The following STARD8 variants were observed in gnomAD, a reference collection of about 807,000 sequenced individuals.
STARD8 encodes stAR-related lipid transfer protein 8.
Under a neutral mutation model 69.4 loss-of-function variants are expected in STARD8, and 25 were observed. The ratio of observed to expected loss-of-function variants is 0.36; its 90% CI spans 0.26 to 0.50. The LOEUF (loss-of-function observed/expected upper bound fraction) is 0.50, where lower values mean the gene tolerates loss of function less well. Among genes scored for constraint, STARD8 ranks in the 20% least tolerant of loss-of-function variants. The pLI, the probability that STARD8 is intolerant of heterozygous loss-of-function variation, is 0.96. For missense variants in STARD8, 921 were observed against 932.5 expected, an observed-to-expected ratio of 0.99 and a Z score of 0.16; for synonymous variants, 389 against 374.6, an observed-to-expected ratio of 1.04 and a Z score of -0.45.
At chrX:68,667,564 T>C (rs1009645588) in intron 2 of STARD8, among the ~76,000 whole-genome samples, 49 of 111,508 alleles carry the variant, frequency 4.4e-4, no homozygotes, top group Non-Finnish European at 7.7e-4. Flanking sequence ...CAAAGTCTCT[T>C]CTCACCCCAA....
rs370347992 is a variant in STARD8 at position 68,723,631 on chromosome X, G to A, written c.2805G>A (p.Pro935=). 3.9e-5 allele frequency: 46 copies of A among 1,189,602 alleles called. No homozygotes were observed. Among genetic ancestry groups the A allele is most frequent in the Non-Finnish European group, 4.7e-5 (42 of 885,376 alleles). Residue 935 remains proline, a synonymous_variant, in exon 13 of 15, where the codon CCG becomes CCA. Transcript: ENST00000374599. ...CCCACTCCTGTGGCTCACAGGCACC[G>A]GATGGGCACCCCCTGCGGCTATGGA... ...QHTELACRKA[P]DGHPLRLWKA... is the part of the protein sequence containing the mutation.
In STARD8 at chrX:68,678,098, G is replaced by GACTCTGCAA. The variant is rs2079777973; in HGVS notation, c.79+12567_79+12575dup. ...TCCAAGTAAAGGTGGGAAGGGGCGA[G>GACTCTGCAA]ACTCTGCAATTTACCAATGCACCGC... is the stretch of plus-strand genomic sequence containing the variant. On this transcript the variant is annotated intron_variant, in intron 2 of 14. Coordinates refer to ENST00000374599, the MANE Select transcript of STARD8 (RefSeq NM_001142503.3). Among the ~76,000 whole-genome samples, 5 of 110,710 alleles carry GACTCTGCAA rather than the reference G, an allele frequency of 4.5e-5. No individual in the cohort carries two copies. The South Asian group carries it at 2.0e-3, about 44-fold the overall frequency.
At chrX:68,662,720 T>C (rs180735542) in intron 1 of STARD8, among the ~76,000 whole-genome samples, 97 of 112,133 alleles carry the variant, frequency 8.7e-4, no homozygotes, top group African/African-American at 3.0e-3. Context: ...TTTCAAGACC[T>C]GTTCTAAACA....
intron 1 of STARD8, among the ~76,000 whole-genome samples, chrX:68,663,208 A>G (rs2079662219): frequency 8.9e-6 from 1 of 112,045 alleles, no homozygotes; most frequent in South Asian, 3.8e-4. Context: ...TTCCCCTGTA[A>G]GTCTTTCAGC....
Position 68,717,522 on chromosome X carries a change from G to A in STARD8, c.608G>A (p.Arg203His), listed in dbSNP as rs146065750. The change falls in exon 6 of 15, where the codon CGC (arginine) becomes CAC (histidine). Residue 203 changes from arginine (R) to histidine (H), a missense_variant. By Grantham distance (29) the Arg-to-His change is conservative (BLOSUM62 0). Coordinates refer to ENST00000374599, the MANE Select transcript of STARD8 (RefSeq NM_001142503.3). ...QEGPQDKAKK[R>H]HRNRSFLKHL... The stretch of plus-strand genomic sequence containing the variant: ...GGTCCCCAGGACAAAGCCAAGAAGC[G>A]CCATCGTAACCGTAGCTTCCTCAAG... 2.6e-5 allele frequency: 32 copies of A among 1,209,005 alleles called. No individual in the cohort carries two copies. The East Asian group carries it at 6.8e-4, about 26-fold the overall frequency.
At chrX:68,652,938 A>AC in intron 1 of STARD8, among the ~76,000 whole-genome samples, 1 of 58,028 alleles carries the variant, frequency 1.7e-5, no homozygotes, top group Non-Finnish European at 3.3e-5. Flanking sequence ...CACACACCAC[A>AC]CACACACACC....
At position 68,650,224 on chromosome X, in the gene STARD8, G is replaced by C. The variant is rs141841893; in HGVS notation, c.45+2297G>C. ...GGATTGATTGAGGCCAGGAGTTCCA[G>C]ACCAGCCTGGGCAATAATGAGACCC... On this transcript the variant is annotated intron_variant, in intron 1 of 14. Coordinates refer to ENST00000374599, the MANE Select transcript of STARD8 (RefSeq NM_001142503.3). 9.5e-3 allele frequency among the ~76,000 whole-genome samples: 1,055 copies of C among 110,661 alleles called. 17 individuals carry two copies. Among genetic ancestry groups the C allele is most frequent in the African/African-American group, 0.032 (982 of 30,401 alleles).
chrX:68,658,187 G>T (rs780591602), intron 1 of STARD8, among the ~76,000 whole-genome samples: 1 of 112,075 alleles, frequency 8.9e-6, no homozygotes, highest in East Asian at 2.8e-4. Context: ...ATACTATGTG[G>T]TGTACACTGT....
chrX:68,699,933 A>G (rs1280223517), intron 2 of STARD8, among the ~76,000 whole-genome samples: 2 of 111,609 alleles, frequency 1.8e-5, no homozygotes, highest in African/African-American at 6.5e-5. Flanking sequence ...TGGTGCCCCC[A>G]TAGTGGAGGA....
At chrX:68,693,665 G>A (rs1396782245) in intron 2 of STARD8, 2 of 754,921 alleles carry the variant, frequency 2.6e-6, no homozygotes, top group South Asian at 6.7e-5. Context: ...GGTTGACAAC[G>A]GCTAAGCAGC....
chrX:68,681,253 G>A (rs2079798978), intron 2 of STARD8, among the ~76,000 whole-genome samples: 1 of 111,714 alleles, frequency 9.0e-6, no homozygotes, highest in Admixed American at 9.5e-5. Context: ...GCCTTCTGAT[G>A]GAAAGCTGCC....
intron 12 of STARD8, among the ~76,000 whole-genome samples, chrX:68,723,203 A>G (rs1028368782): frequency 1.8e-5 from 2 of 112,066 alleles, no homozygotes; most frequent in East Asian, 5.6e-4. Context: ...TCATAACAAA[A>G]CCTTCCATGT....
rs767884816 is a variant in STARD8 at position 68,717,905 on chromosome X, C to T, written c.991C>T (p.Gln331Ter). 1 of 1,207,098 alleles carries T rather than the reference C, an allele frequency of 8.3e-7. No homozygotes were observed. Among genetic ancestry groups the T allele is most frequent in the Non-Finnish European group, 1.1e-6 (1 of 893,694 alleles). ...PEDGHRLADW[Q>*]PGRRWGCEGR... is the part of the protein sequence containing the mutation. ...GGATGGACACCGCCTGGCAGACTGG[C>T]AGCCAGGTAGGCGGTGGGGCTGTGA... The change falls in exon 6 of 15, where the codon CAG becomes TAG. Residue 331 changes from glutamine to a stop codon, truncating the protein, a stop_gained. Transcript: ENST00000374599. LOFTEE classifies it high-confidence loss of function.
chrX:68,656,430 T>C (rs1457788910), intron 1 of STARD8: 1 of 111,944 alleles, frequency 8.9e-6, no homozygotes, highest in Non-Finnish European at 1.9e-5. Flanking sequence ...GTTCAGCCAT[T>C]GTGGAAGACA....
At chrX:68,652,543 G>C (rs1247983156) in intron 1 of STARD8, among the ~76,000 whole-genome samples, 1 of 111,031 alleles carries the variant, frequency 9.0e-6, no homozygotes, top group Non-Finnish European at 1.9e-5. Context: ...AGTCCAATAC[G>C]TGTTTGCTGT....
At chrX:68,706,776 A>T (rs2080010256) in intron 2 of STARD8, among the ~76,000 whole-genome samples, 1 of 113,135 alleles carries the variant, frequency 8.8e-6, no homozygotes, top group South Asian at 3.6e-4. Flanking sequence ...CATGCTGAGG[A>T]TGGTAGCTTC....
At chrX:68,658,410 C>G (rs2079623748) in intron 1 of STARD8, among the ~76,000 whole-genome samples, 1 of 112,407 alleles carries the variant, frequency 8.9e-6, no homozygotes, top group South Asian at 3.6e-4. Flanking sequence ...CTGCATTTCT[C>G]CACCTATAAA....
chrX:68,681,179 G>A (rs59511976), intron 2 of STARD8, among the ~76,000 whole-genome samples: 7,449 of 111,312 alleles, frequency 0.067, 552 homozygotes, highest in African/African-American at 0.22. Context: ...CCCAGAAAAG[G>A]TGAATGATTG....
rs763720132 is a variant in STARD8 at position 68,718,024 on chromosome X, G to A, written c.1110G>A (p.Gly370=). 2.8e-5 allele frequency: 34 copies of A among 1,208,903 alleles called. No individual in the cohort carries two copies. The highest frequency in any genetic ancestry group is 2.3e-4 in the Middle Eastern group (1 of 4,375). The change falls in exon 6 of 15, where the codon GGG becomes GGA. Residue 370 remains glycine, a synonymous_variant. Coordinates refer to ENST00000374599, the MANE Select transcript of STARD8 (RefSeq NM_001142503.3). ...ELYPAEPVMV[G]AEAEDEDDEE... The stretch of plus-strand genomic sequence containing the variant: ...ACCCAGCTGAGCCTGTAATGGTTGG[G>A]GCTGAGGCTGAAGATGAAGATGATG...
Sources: allele counts gnomAD v4.1 joint callset (sites outside exome capture counted in the v4.1 genomes callset), GRCh38; gene constraint gnomAD v4.1.1; transcripts MANE v1.5; gene names NCBI Gene and HGNC (gene_info 2026-07-23, HGNC 2026-07-21).